The following CDX1 variants were observed in gnomAD, a reference collection of about 807,000 sequenced individuals.
CDX1 encodes the protein homeobox protein CDX-1.
A neutral mutation model predicts 16.9 loss-of-function variants in CDX1; 9 were observed. The ratio of observed to expected loss-of-function variants is 0.53; its 90% CI spans 0.32 to 0.93. The LOEUF (loss-of-function observed/expected upper bound fraction) is 0.93. Among genes scored for constraint, CDX1 ranks in the 40% least tolerant of loss-of-function variants. The pLI, the probability that CDX1 is intolerant of heterozygous loss-of-function variation, is 0.04. For synonymous variants in CDX1, 179 were observed against 179.0 expected, an observed-to-expected ratio of 1.00 and a Z score of 0.00; for missense variants, 393 against 386.1, an observed-to-expected ratio of 1.02 and a Z score of -0.15.
intron 1 of CDX1, among the ~76,000 whole-genome samples, chr5:150,181,126 C>T (rs1340095323): frequency 6.6e-6 from 1 of 152,218 alleles, no homozygotes; most frequent in East Asian, 1.9e-4. Context: ...CCCCTTCTCA[C>T]TGCACCTCAG....
intron 1 of CDX1, among the ~76,000 whole-genome samples, chr5:150,175,795 A>T (rs1383772837): frequency 3.9e-5 from 6 of 152,034 alleles, no homozygotes; most frequent in African/African-American, 1.5e-4. Flanking sequence ...GGCCGGCCAG[A>T]TCTCCCCACT....
chr5:150,167,596 A>G (rs1189671112), intron 1 of CDX1, among the ~76,000 whole-genome samples: 2 of 152,234 alleles, frequency 1.3e-5, no homozygotes, highest in Non-Finnish European at 2.9e-5. Flanking sequence ...CCGCGGAGCA[A>G]GACCCGAACT....
intron 1 of CDX1, among the ~76,000 whole-genome samples, chr5:150,175,861 C>T (rs1454773762): frequency 6.6e-6 from 1 of 152,238 alleles, no homozygotes; most frequent in Non-Finnish European, 1.5e-5. Flanking sequence ...ATTCCTCTCT[C>T]TCACGAGGGA....
At chr5:150,176,646 T>C (rs1761573611) in intron 1 of CDX1, among the ~76,000 whole-genome samples, 1 of 151,828 alleles carries the variant, frequency 6.6e-6, no homozygotes, top group African/African-American at 2.4e-5. Flanking sequence ...AACTGCAGAG[T>C]CTCGAGGGCA....
chr5:150,173,921 G>A (rs1371395445), intron 1 of CDX1, among the ~76,000 whole-genome samples: 2 of 152,208 alleles, frequency 1.3e-5, no homozygotes, highest in African/African-American at 4.8e-5. Flanking sequence ...CTGAATGGCT[G>A]GAGGATGGAG....
chr5:150,167,637 A>T (rs549772146), intron 1 of CDX1, among the ~76,000 whole-genome samples: 1 of 152,212 alleles, frequency 6.6e-6, no homozygotes, highest in South Asian at 2.1e-4. Flanking sequence ...CGTGTCCCAC[A>T]CTCATTTAGC....
Position 150,182,845 on chromosome 5 carries a change from T to C in CDX1, c.523T>C (p.Tyr175His), listed in dbSNP as rs1290410394. The change falls in exon 2 of 3, where the codon TAC becomes CAC. Residue 175 changes from tyrosine (Y) to histidine (H), a missense_variant. Transcript: ENST00000231656. ...CCTGGAGCTGGAGAAGGAGTTTCAT[T>C]ACAGCCGTTACATCACAATCCGGCG... is the stretch of plus-strand genomic sequence containing the variant. ...QRLELEKEFH[Y>H]SRYITIRRKS... is the part of the protein sequence containing the mutation. 1.9e-6 allele frequency: 3 copies of C among 1,613,590 alleles called. No individual in the cohort carries two copies. The highest frequency in any genetic ancestry group is 2.2e-5 in the South Asian group (2 of 91,004).
intron 1 of CDX1, among the ~76,000 whole-genome samples, chr5:150,174,979 G>A (rs1007799200): frequency 1.3e-5 from 2 of 152,086 alleles, no homozygotes; most frequent in African/African-American, 4.8e-5. Flanking sequence ...GTTTCATCAT[G>A]TTGGTCAGGC....
At chr5:150,169,310 CTG>C (rs1178518703) in intron 1 of CDX1, among the ~76,000 whole-genome samples, 1 of 152,136 alleles carries the variant, frequency 6.6e-6, no homozygotes, top group Non-Finnish European at 1.5e-5. Flanking sequence ...CGCTTGAAAA[CTG>C]TTGTCTGCAG....
chr5:150,176,583 G>T (rs949296176), intron 1 of CDX1, among the ~76,000 whole-genome samples: 7 of 152,162 alleles, frequency 4.6e-5, no homozygotes, highest in Non-Finnish European at 8.8e-5. Flanking sequence ...TGGCAGGGGG[G>T]GCCAGGAGGT....
intron 1 of CDX1, among the ~76,000 whole-genome samples, chr5:150,173,453 G>A (rs1031253066): frequency 6.6e-5 from 10 of 152,122 alleles, no homozygotes; most frequent in African/African-American, 2.4e-4. Flanking sequence ...TCAACCTCAG[G>A]TCTTGGCTTA....
chr5:150,174,846 G>A (rs1044476386), intron 1 of CDX1, among the ~76,000 whole-genome samples: 2 of 150,514 alleles, frequency 1.3e-5, no homozygotes, highest in Admixed American at 1.3e-4. Context: ...GCGCAATCTC[G>A]GCTCACTGCA....
Position 150,166,888 on chromosome 5 carries a change from C to G in CDX1, c.12C>G (p.Gly4=), listed in dbSNP as rs947215154. Residue 4 remains glycine (G), a synonymous_variant, in exon 1 of 3, where the codon GGC becomes GGG. Coordinates refer to ENST00000231656, the MANE Select transcript of CDX1 (RefSeq NM_001804.3). Reference sequence around the variant, plus strand: ...ACCCCGCGGCCACCATGTATGTGGGCTATGTGCTGGACAAGGATTCGCCCG... The same window carrying G: ...ACCCCGCGGCCACCATGTATGTGGGGTATGTGCTGGACAAGGATTCGCCCG... The part of the protein sequence containing the change: MYV[G]YVLDKDSPVY... The G allele has an allele frequency of 5.3e-6, 8 of 1,514,646 alleles. No individual in the cohort carries two copies. In the African/African-American group the frequency reaches 8.7e-5, roughly 17 times the overall value. The allele number at this position is 1,514,646 out of a possible 1,614,324, so 93.8% of individuals were successfully genotyped here.
At chr5:150,181,007 T>C (rs559163460) in intron 1 of CDX1, among the ~76,000 whole-genome samples, 1 of 152,264 alleles carries the variant, frequency 6.6e-6, no homozygotes, top group South Asian at 2.1e-4. Context: ...GCCAGAGTAA[T>C]ATTAAAACCT....
chr5:150,172,249 G>C (rs2282809), intron 1 of CDX1, among the ~76,000 whole-genome samples: 41,661 of 152,144 alleles, frequency 0.27, 6,094 homozygotes, highest in East Asian at 0.45. Flanking sequence ...AGTCCCTCAA[G>C]GACCAGTCCT....
chr5:150,167,839 G>C (rs960182599), intron 1 of CDX1, among the ~76,000 whole-genome samples: 2 of 152,340 alleles, frequency 1.3e-5, no homozygotes, highest in Admixed American at 1.3e-4. Flanking sequence ...CTGAAAAAGA[G>C]CCCTCTTTGG....
chr5:150,180,664 C>T (rs994566770), intron 1 of CDX1, among the ~76,000 whole-genome samples: 62 of 152,226 alleles, frequency 4.1e-4, no homozygotes, highest in African/African-American at 1.4e-3. Flanking sequence ...TTCAGAGACC[C>T]GCCATGCCCT....
chr5:150,166,915 G>A lies in CDX1; in HGVS notation c.39G>A (p.Val13=). The A allele has an allele frequency of 6.6e-7, 1 of 1,515,682 alleles. No homozygotes were observed. The highest frequency in any genetic ancestry group is 8.8e-7 in the Non-Finnish European group (1 of 1,138,294). 93.9% of individuals were successfully genotyped at this position (1,515,682 alleles called of 1,614,324 possible). A position where few individuals can be genotyped will look rare whatever the true frequency, so the allele number is the denominator to read the frequency against. Residue 13 remains valine (V), a synonymous_variant, in exon 1 of 3, where the codon GTG becomes GTA. Transcript: ENST00000231656. The stretch of plus-strand genomic sequence containing the variant: ...ATGTGCTGGACAAGGATTCGCCCGT[G>A]TACCCCGGCCCAGCCAGGCCAGCCA... ...VGYVLDKDSP[V]YPGPARPASL... is the part of the protein sequence containing the mutation.
chr5:150,175,807 C>A (rs1000901033), intron 1 of CDX1, among the ~76,000 whole-genome samples: 3 of 152,234 alleles, frequency 2.0e-5, no homozygotes, highest in African/African-American at 7.2e-5. Context: ...CTCCCCACTC[C>A]CAGGTCAGTG....
Sources: allele counts gnomAD v4.1 joint callset (sites outside exome capture counted in the v4.1 genomes callset), GRCh38; gene constraint gnomAD v4.1.1; transcripts MANE v1.5; gene names NCBI Gene and HGNC (gene_info 2026-07-23, HGNC 2026-07-21).